Variants in ERC2 observed in about 807,000 individuals in gnomAD.
ERC2 encodes the protein ERC protein 2.
A neutral mutation model predicts 114.8 loss-of-function variants in ERC2; 42 were observed. The observed-to-expected ratio is 0.37, with a 90% CI of 0.29 to 0.47. The LOEUF is 0.47. Among genes scored for constraint, ERC2 ranks in the 20% least tolerant of loss-of-function variants. ERC2 has a pLI of 0.99. For missense variants in ERC2, 939 were observed against 1,150.7 expected (o/e 0.82, Z 2.66); for synonymous variants, 454 against 425.5 (o/e 1.07, Z -0.82).
At chr3:55,984,667 A>G (rs1576455626) in intron 12 of ERC2, among the ~76,000 whole-genome samples, 1 of 152,236 alleles carries the variant, frequency 6.6e-6, no homozygotes, top group African/African-American at 2.4e-5. Context: ...GTAAATTAAG[A>G]GTCATTAAAT....
intron 3 of ERC2, among the ~76,000 whole-genome samples, chr3:56,210,099 T>A (rs2048968246): frequency 6.6e-6 from 1 of 152,210 alleles, no homozygotes; most frequent in Non-Finnish European, 1.5e-5. Context: ...AAACTCCTGA[T>A]CTCATTTCTT....
chr3:56,173,210 C>G (rs2082775324), intron 4 of ERC2, among the ~76,000 whole-genome samples: 2 of 152,130 alleles, frequency 1.3e-5, no homozygotes, highest in African/African-American at 4.8e-5. Context: ...AGGAACCCAG[C>G]TCCTTTCAGC....
At chr3:56,415,216 CT>C (rs1422952463) in intron 2 of ERC2, among the ~76,000 whole-genome samples, 7 of 152,088 alleles carry the variant, frequency 4.6e-5, no homozygotes, top group Admixed American at 3.3e-4. Flanking sequence ...CAACTGTATA[CT>C]AAAAAACTGC....
chr3:55,829,898 G>GAAA (rs1354147204), intron 14 of ERC2, among the ~76,000 whole-genome samples: 1 of 151,944 alleles, frequency 6.6e-6, no homozygotes, highest in Non-Finnish European at 1.5e-5. Context: ...AATATTTGAA[G>GAAA]AAAAAATAAT....
intron 17 of ERC2, among the ~76,000 whole-genome samples, chr3:55,541,417 C>A (rs563653162): frequency 6.6e-6 from 1 of 152,330 alleles, no homozygotes; most frequent in Admixed American, 6.5e-5. Context: ...TTGGTGCTCG[C>A]TGGGGTTTAG....
intron 14 of ERC2, among the ~76,000 whole-genome samples, chr3:55,810,558 G>T (rs1216235989): frequency 6.6e-6 from 1 of 151,862 alleles, no homozygotes; most frequent in Admixed American, 6.6e-5. Flanking sequence ...CGCCTCCCAG[G>T]TTCAAGCGAT....
chr3:56,416,784 G>A (rs1263017851), intron 2 of ERC2, among the ~76,000 whole-genome samples: 1 of 151,924 alleles, frequency 6.6e-6, no homozygotes, highest in African/African-American at 2.4e-5. Context: ...CTCCATACAG[G>A]CAGGAAGTTT....
intron 14 of ERC2, among the ~76,000 whole-genome samples, chr3:55,756,149 A>G (rs1328801514): frequency 1.3e-5 from 2 of 152,212 alleles, no homozygotes; most frequent in African/African-American, 2.4e-5. Flanking sequence ...AGAGAAAAAA[A>G]AATTTAAAAC....
In ERC2 at chr3:56,237,032, G is replaced by A. The variant is rs530632412; in HGVS notation, c.1074+58987C>T. On this transcript the variant is annotated intron_variant, in intron 3 of 17. Coordinates refer to ENST00000288221, the MANE Select transcript of ERC2 (RefSeq NM_015576.3). Reference sequence around the variant, plus strand: ...AGGACATCCAGCTGCAGAATTTGAGGCAAAAACAGACCCAACTTGCCACTT... The same window carrying A: ...AGGACATCCAGCTGCAGAATTTGAGACAAAAACAGACCCAACTTGCCACTT... Among the ~76,000 whole-genome samples the A allele has an allele frequency of 3.3e-5, 5 of 152,258 alleles. No homozygotes were observed. The East Asian group carries it at 9.7e-4, about 29-fold the overall frequency.
Position 56,013,895 on chromosome 3 carries a change from T to C in ERC2, c.1780-3306A>G, listed in dbSNP as rs181986235. On this transcript the variant is annotated intron_variant, in intron 8 of 17. Coordinates refer to ENST00000288221, the MANE Select transcript of ERC2 (RefSeq NM_015576.3). Reference sequence around the variant, plus strand: ...GAAACCTCCTAGATGATAAGATTATTTGGATATATACAAAGGTTTGATGCA... The same window carrying C: ...GAAACCTCCTAGATGATAAGATTATCTGGATATATACAAAGGTTTGATGCA... 2.0e-3 allele frequency among the ~76,000 whole-genome samples: 310 copies of C among 152,230 alleles called. 3 individuals carry two copies. The highest frequency in any genetic ancestry group is 4.3e-4 in the Non-Finnish European group (29 of 68,004).
chr3:55,944,232 G>A (rs1277770197), intron 13 of ERC2, among the ~76,000 whole-genome samples: 2 of 152,130 alleles, frequency 1.3e-5, no homozygotes, highest in Non-Finnish European at 1.5e-5. Flanking sequence ...TTCAGCCTTC[G>A]GCAAACAAAC....
At chr3:55,539,309 A>G (rs1162114972) in intron 17 of ERC2, among the ~76,000 whole-genome samples, 2 of 151,842 alleles carry the variant, frequency 1.3e-5, no homozygotes, top group South Asian at 4.2e-4. Flanking sequence ...GGTCAAATAC[A>G]TCTGAGAAAT....
At chr3:55,737,053 C>G (rs1247216181) in intron 14 of ERC2, among the ~76,000 whole-genome samples, 1 of 152,170 alleles carries the variant, frequency 6.6e-6, no homozygotes, top group Non-Finnish European at 1.5e-5. Context: ...ACACAAGGCC[C>G]AGGACTAAAA....
At chr3:55,867,834 A>C (rs567817343) in intron 14 of ERC2, among the ~76,000 whole-genome samples, 14 of 152,196 alleles carry the variant, frequency 9.2e-5, no homozygotes, top group Non-Finnish European at 1.6e-4. Context: ...CAAATAAGAG[A>C]AAGCACTTTT....
chr3:55,990,561 A>G (rs1404456682), intron 11 of ERC2, among the ~76,000 whole-genome samples: 1 of 151,956 alleles, frequency 6.6e-6, no homozygotes, highest in African/African-American at 2.4e-5. Context: ...AGTAGCTGGG[A>G]CCACAGGCAC....
chr3:56,263,324 C>T (rs1387032496), intron 3 of ERC2, among the ~76,000 whole-genome samples: 1 of 149,868 alleles, frequency 6.7e-6, no homozygotes, highest in Admixed American at 6.6e-5. Flanking sequence ...AAGAGCTTAG[C>T]AGTCTACTTA....
chr3:55,570,629 A>G (rs1266014217), intron 17 of ERC2, among the ~76,000 whole-genome samples: 1 of 152,132 alleles, frequency 6.6e-6, no homozygotes, highest in Non-Finnish European at 1.5e-5. Context: ...GGGGAAGAAC[A>G]GATGGTCTGT....
chr3:56,414,356 A>G (rs1308703834), intron 2 of ERC2, among the ~76,000 whole-genome samples: 1 of 152,084 alleles, frequency 6.6e-6, no homozygotes, highest in Non-Finnish European at 1.5e-5. Context: ...AGATATCCAA[A>G]ACAAGGCCCT....
chr3:55,899,867 A>G (rs1194097281), intron 13 of ERC2, among the ~76,000 whole-genome samples: 1 of 152,236 alleles, frequency 6.6e-6, no homozygotes, highest in Admixed American at 6.5e-5. Context: ...GTTTACAAAA[A>G]GAGTAATTAA....
Sources: gnomAD v4.1 joint callset for allele counts (sites outside exome capture counted in the v4.1 genomes callset) on GRCh38, gnomAD v4.1.1 for gene constraint, MANE v1.5 for transcripts, NCBI Gene and HGNC (gene_info 2026-07-23, HGNC 2026-07-21) for gene names.